SPSB1: variants seen among roughly 807,000 people sequenced by gnomAD.
SPSB1 encodes the protein splA/ryanodine receptor domain and SOCS box containing 1.
In SPSB1, 8 loss-of-function variants were observed where a neutral mutation model predicts 21.2. The ratio of observed to expected loss-of-function variants is 0.38; its 90% confidence interval spans 0.22 to 0.68. SPSB1 has a LOEUF of 0.68. SPSB1 is among the 30% of genes least tolerant of loss of function. The pLI is 0.53. For missense variants in SPSB1, 242 were observed against 377.8 expected, an observed-to-expected ratio of 0.64 and a Z score of 2.98; for synonymous variants, 169 against 161.7, an observed-to-expected ratio of 1.05 and a Z score of -0.34.
intron 1 of SPSB1, among the ~76,000 whole-genome samples, chr1:9,353,298 C>T (rs1254556142): frequency 1.3e-5 from 2 of 152,128 alleles, no homozygotes; most frequent in Non-Finnish European, 2.9e-5. Context: ...GCCACACCCG[C>T]ACCACACCAG....
At chr1:9,320,539 C>T (rs1163397849) in intron 1 of SPSB1, among the ~76,000 whole-genome samples, 2 of 152,194 alleles carry the variant, frequency 1.3e-5, no homozygotes, top group Non-Finnish European at 2.9e-5. Flanking sequence ...GTATAGTGGC[C>T]TCGCTCCGTG....
At chr1:9,303,934 A>C (rs1358132000) in intron 1 of SPSB1, among the ~76,000 whole-genome samples, 1 of 152,236 alleles carries the variant, frequency 6.6e-6, no homozygotes, top group African/African-American at 2.4e-5. Flanking sequence ...CTGACAGGGA[A>C]GCCCAGTGGT....
intron 1 of SPSB1, among the ~76,000 whole-genome samples, chr1:9,323,035 G>T (rs1639747696): frequency 6.6e-6 from 1 of 152,238 alleles, no homozygotes; most frequent in Non-Finnish European, 1.5e-5. Flanking sequence ...GACAGTGTCT[G>T]GCTGTCACTC....
chr1:9,302,939 C>G (rs1387602494), intron 1 of SPSB1, among the ~76,000 whole-genome samples: 1 of 152,206 alleles, frequency 6.6e-6, no homozygotes, highest in East Asian at 1.9e-4. Context: ...TGACTTTATG[C>G]TCTGCTGGCC....
intron 1 of SPSB1, among the ~76,000 whole-genome samples, chr1:9,329,864 C>T (rs1466054116): frequency 6.6e-6 from 1 of 152,128 alleles, no homozygotes; most frequent in Admixed American, 6.5e-5. Context: ...CGTGACTCTG[C>T]AGACATTTCT....
At chr1:9,336,321 A>G (rs1640003188) in intron 1 of SPSB1, among the ~76,000 whole-genome samples, 1 of 151,712 alleles carries the variant, frequency 6.6e-6, no homozygotes, top group South Asian at 2.1e-4. Context: ...TCTGCCTCCG[A>G]GTTCAAGTGA....
At chr1:9,354,429 C>G (rs1640327529) in intron 1 of SPSB1, among the ~76,000 whole-genome samples, 1 of 152,144 alleles carries the variant, frequency 6.6e-6, no homozygotes, top group Non-Finnish European at 1.5e-5. Flanking sequence ...CCAAACCAGG[C>G]TGCCCTCCTT....
chr1:9,357,982 G>A (rs994733129), intron 2 of SPSB1, among the ~76,000 whole-genome samples: 2 of 152,176 alleles, frequency 1.3e-5, no homozygotes, highest in African/African-American at 2.4e-5. Flanking sequence ...TCAGCACCCT[G>A]AGCTCTAACC....
chr1:9,299,601 T>G (rs1485804919), intron 1 of SPSB1, among the ~76,000 whole-genome samples: 5 of 152,064 alleles, frequency 3.3e-5, no homozygotes, highest in African/African-American at 1.2e-4. Context: ...TGCTTCAGCC[T>G]CCTGAGTAGC....
intron 1 of SPSB1, among the ~76,000 whole-genome samples, chr1:9,344,560 C>T (rs958013156): frequency 1.3e-5 from 2 of 152,186 alleles, no homozygotes; most frequent in Non-Finnish European, 2.9e-5. Flanking sequence ...CTGATAGCCT[C>T]AGGTGTTGAG....
intron 1 of SPSB1, among the ~76,000 whole-genome samples, chr1:9,307,015 C>T (rs1270655583): frequency 6.6e-6 from 1 of 151,816 alleles, no homozygotes; most frequent in African/African-American, 2.4e-5. Context: ...GCAGCCTCCG[C>T]CTCCCAGGTT....
chr1:9,314,516 GGAGA>G (rs1209166705), intron 1 of SPSB1, among the ~76,000 whole-genome samples: 1 of 152,206 alleles, frequency 6.6e-6, no homozygotes, highest in Non-Finnish European at 1.5e-5. Flanking sequence ...ATCACCAAAT[GGAGA>G]GAGAGGCAGG....
chr1:9,299,532 T>C (rs560347440), intron 1 of SPSB1, among the ~76,000 whole-genome samples: 59 of 152,002 alleles, frequency 3.9e-4, no homozygotes, highest in Admixed American at 1.7e-3. Context: ...TAGGCTGGAG[T>C]GCAATGGTGC....
intron 1 of SPSB1, among the ~76,000 whole-genome samples, chr1:9,331,588 C>T (rs758433503): frequency 2.0e-5 from 3 of 152,138 alleles, no homozygotes; most frequent in Admixed American, 6.5e-5. Flanking sequence ...GCCTTAGCCT[C>T]CCAAACTGCT....
chr1:9,301,289 G>A lies in SPSB1; in HGVS notation c.-150+8218G>A, dbSNP rs1639324064. Among the ~76,000 whole-genome samples the A allele has an allele frequency of 2.0e-5, 3 of 152,038 alleles. No individual in the cohort carries two copies. In the South Asian group the frequency reaches 6.2e-4, roughly 32 times the overall value. ...AGGATTGCTTGAGCCCAAGGAGTTC[G>A]AGACCAGCCTGAGCAACATAGTGAG... On this transcript the variant is annotated intron_variant, in intron 1 of 2. Transcript: ENST00000328089.
intron 1 of SPSB1, among the ~76,000 whole-genome samples, chr1:9,307,040 T>A (rs1639425728): frequency 6.6e-6 from 1 of 151,052 alleles, no homozygotes; most frequent in South Asian, 2.1e-4. Flanking sequence ...TGATTCTCCC[T>A]CCTTAGCCTC....
chr1:9,354,892 C>T (rs1014469415), intron 1 of SPSB1, among the ~76,000 whole-genome samples: 3 of 152,176 alleles, frequency 2.0e-5, no homozygotes, highest in African/African-American at 7.2e-5. Flanking sequence ...AGTCCCTGTT[C>T]TCCCTCCTGA....
chr1:9,367,473 G>A lies in SPSB1; in HGVS notation c.720G>A (p.Leu240=). The change falls in exon 3 of 3, where the codon TTG becomes TTA. Residue 240 remains leucine (L), a synonymous_variant. Transcript: ENST00000328089. The surrounding 1 kb of genome is among the most constrained non-coding windows in gnomAD (Gnocchi z 5.9). ...LDPEPLPLMD[L]CRRSVRLALG... ...CCGAGCCGCTGCCGCTCATGGATTTGTGCCGTCGCTCGGTGCGCCTGGCCC... is the reference window on the plus strand; with the variant it reads ...CCGAGCCGCTGCCGCTCATGGATTTATGCCGTCGCTCGGTGCGCCTGGCCC... The A allele has an allele frequency of 6.2e-7, 1 of 1,613,794 alleles. No individual in the cohort carries two copies. The highest frequency in any genetic ancestry group is 8.5e-7 in the Non-Finnish European group (1 of 1,179,966).
Position 9,363,383 on chromosome 1 carries a change from C to A in SPSB1, c.695-4065C>A, listed in dbSNP as rs979614084. ...TCTTGGTGGATCCCATGACCCATCC[C>A]TAACTGGTTTATTCAGTGAGATCCA... On this transcript the variant is annotated intron_variant, in intron 2 of 2. Transcript: ENST00000328089. This position sits in a 1 kb window ranked among gnomAD's most constrained non-coding sequence, Gnocchi z 4.5. Among the ~76,000 whole-genome samples the A allele has an allele frequency of 5.3e-5, 8 of 152,188 alleles. No homozygotes were observed. Among genetic ancestry groups the A allele is most frequent in the African/African-American group, 1.7e-4 (7 of 41,434 alleles).
Sources: allele counts gnomAD v4.1 joint callset (sites outside exome capture counted in the v4.1 genomes callset), GRCh38; gene constraint gnomAD v4.1.1; non-coding constraint Gnocchi (gnomAD v3.1); transcripts MANE v1.5; gene names NCBI Gene and HGNC (gene_info 2026-07-23, HGNC 2026-07-21).